The following RYR2 variants were observed in gnomAD, a reference collection of about 807,000 sequenced individuals.
RYR2 encodes ryanodine receptor 2, also known as cardiac muscle ryanodine receptor-calcium release channel.
RYR2 carries 227 observed loss-of-function variants against 601.1 expected under a neutral mutation model. That is an observed-to-expected ratio of 0.38 (90% CI 0.34 to 0.42). The LOEUF (loss-of-function observed/expected upper bound fraction) is 0.42. RYR2 is among the 10% of genes least tolerant of loss of function. The probability of loss-of-function intolerance (pLI) is 1.00; values close to 1 mark genes in which losing one functional copy is unlikely to be tolerated. For missense variants in RYR2, 4,646 were observed against 6,156.5 expected (o/e 0.75, Z 8.21); for synonymous variants, 2,223 against 2,175.1 (o/e 1.02, Z -0.61).
At chr1:237,492,543 C>T (rs553408356) in intron 18 of RYR2, among the ~76,000 whole-genome samples, 1 of 152,024 alleles carries the variant, frequency 6.6e-6, no homozygotes, top group African/African-American at 2.4e-5. Context: ...AGGGGGAATT[C>T]GAATCAGCTG....
chr1:237,048,060 C>T (rs926518967), intron 1 of RYR2, among the ~76,000 whole-genome samples: 9 of 152,192 alleles, frequency 5.9e-5, no homozygotes, highest in East Asian at 3.9e-4. Context: ...TCTTGCCTCT[C>T]GGACCCCAGA....
rs536848649 is a variant in RYR2, at chr1:237,306,881, G to A, written c.169-23997G>A. On this transcript the variant is annotated intron_variant, in intron 2 of 104. Transcript: ENST00000366574. Reference sequence around the variant, plus strand: ...TGGGCCTTCTGAGTTTCAGTTCATCGTTTCTACTGTATCCCCTCTTCCTTA... The same window carrying A: ...TGGGCCTTCTGAGTTTCAGTTCATCATTTCTACTGTATCCCCTCTTCCTTA... Among the ~76,000 whole-genome samples the A allele has an allele frequency of 7.0e-4, 107 of 152,184 alleles. No homozygotes were observed. The Middle Eastern group carries it at 0.01, about 15-fold the overall frequency.
chr1:237,128,186 C>T lies in RYR2; in HGVS notation c.48+85617C>T, dbSNP rs1005616158. Among the ~76,000 whole-genome samples, 5 of 152,190 alleles carry T rather than the reference C, an allele frequency of 3.3e-5. No individual in the cohort carries two copies. The South Asian group carries it at 6.2e-4, about 19-fold the overall frequency. ...TCACTTGCGGTTAGGGGCTGGAGAC[C>T]GGCCTGGCCAACACAGCGAAACCCT... On this transcript the variant is annotated intron_variant, in intron 1 of 104. Coordinates refer to ENST00000366574, the MANE Select transcript of RYR2 (RefSeq NM_001035.3).
Position 237,770,851 on chromosome 1 carries a change from C to A in RYR2, c.11521C>A (p.Arg3841=). Residue 3841 remains arginine (R), a synonymous_variant, in exon 85 of 105, where the codon CGA becomes AGA. Transcript: ENST00000366574. The part of the protein sequence containing the change: ...QDDEFTCDLF[R]FLQLLCEGHN... ...CGATGAGTTCACCTGTGACCTCTTC[C>A]GATTCCTGCAACTACTCTGTGAGGG... 1.3e-6 allele frequency: 2 copies of A among 1,552,738 alleles called. No individual in the cohort carries two copies. The highest frequency in any genetic ancestry group is 1.7e-6 in the Non-Finnish European group (2 of 1,146,704).
chr1:237,529,757 T>TCACACACACACACA (rs1235847282), intron 24 of RYR2, among the ~76,000 whole-genome samples: 4 of 40,226 alleles, frequency 9.9e-5, no homozygotes, highest in African/African-American at 3.1e-4. Flanking sequence ...AACAATAATA[T>TCACACACACACACA]CATACACACA....
At chr1:237,651,246 A>C (rs1304155254) in intron 50 of RYR2, among the ~76,000 whole-genome samples, 165 bp from the exon 51 acceptor site, 1 of 152,222 alleles carries the variant, frequency 6.6e-6, no homozygotes, top group East Asian at 1.9e-4. Flanking sequence ...CTTATATAAA[A>C]TAAAGTAACT....
chr1:237,801,881 C>A lies in RYR2; in HGVS notation c.14116C>A (p.Gln4706Lys). The change falls in exon 98 of 105, where the codon CAG becomes AAG. Residue 4706 changes from glutamine (Q) to lysine (K), a missense_variant. Transcript: ENST00000366574. ...AVLNSIDVKYQMWKLGVVFTD... is the reference protein window; with the variant it reads ...AVLNSIDVKYKMWKLGVVFTD... ...ACTGAACTCCATTGATGTGAAGTAT[C>A]AGATGTGGAAACTAGGAGTCGTTTT... 1 of 1,596,840 alleles carries A rather than the reference C, an allele frequency of 6.3e-7. No homozygotes were observed. Among genetic ancestry groups the A allele is most frequent in the South Asian group, 1.1e-5 (1 of 89,706 alleles).
At chr1:237,603,262 C>T (rs1432795135) in intron 35 of RYR2, among the ~76,000 whole-genome samples, 1 of 152,184 alleles carries the variant, frequency 6.6e-6, no homozygotes, top group Non-Finnish European at 1.5e-5. Context: ...AAAGAAGACC[C>T]TGTTGAGCTT....
At chr1:237,466,181 T>C (rs1357254805) in intron 16 of RYR2, among the ~76,000 whole-genome samples, 1 of 152,164 alleles carries the variant, frequency 6.6e-6, no homozygotes, top group African/African-American at 2.4e-5. Flanking sequence ...TAATTCCTTT[T>C]TTGAGATAGG....
At chr1:237,308,449 A>G (rs1226892675) in intron 2 of RYR2, among the ~76,000 whole-genome samples, 1 of 152,172 alleles carries the variant, frequency 6.6e-6, no homozygotes, top group Non-Finnish European at 1.5e-5. Context: ...TATTTCTTGC[A>G]TGAAATCTAA....
In RYR2 at chr1:237,793,888, C is replaced by A; in HGVS notation, c.13804C>A (p.Arg4602=). 1 of 1,607,588 alleles carries A rather than the reference C, an allele frequency of 6.2e-7. No individual in the cohort carries two copies. The highest frequency in any genetic ancestry group is 8.5e-7 in the Non-Finnish European group (1 of 1,175,066). The change falls in exon 95 of 105, where the codon CGA becomes AGA. Residue 4602 remains arginine (R), a synonymous_variant. Transcript: ENST00000366574. ...GTAGGTCCCATTGGTTATTTTTAAG[C>A]GAGAAAAGGAAGTGGCACGGAAATT... ...CLKVPLVIFK[R]EKEVARKLEF...
intron 27 of RYR2, among the ~76,000 whole-genome samples, chr1:237,562,315 C>A (rs1413181945): frequency 6.6e-6 from 1 of 152,146 alleles, no homozygotes; most frequent in Non-Finnish European, 1.5e-5. Flanking sequence ...AAAGTATTAT[C>A]ATTAGACCTA....
intron 1 of RYR2, among the ~76,000 whole-genome samples, chr1:237,053,329 T>A (rs918772732): frequency 6.6e-6 from 1 of 152,210 alleles, no homozygotes; most frequent in Non-Finnish European, 1.5e-5. Flanking sequence ...AAAGCTGAGA[T>A]GAAACGTTTT....
At chr1:237,768,536 G>A (rs1404462486) in intron 84 of RYR2, among the ~76,000 whole-genome samples, 1 of 152,096 alleles carries the variant, frequency 6.6e-6, no homozygotes, top group Non-Finnish European at 1.5e-5. Context: ...TATGTACCTT[G>A]AGCCCTCAAG....
chr1:237,217,251 C>T (rs1032551292), intron 1 of RYR2, among the ~76,000 whole-genome samples: 1 of 151,870 alleles, frequency 6.6e-6, no homozygotes, highest in East Asian at 1.9e-4. Context: ...TTTCCCTGCT[C>T]GATGACTCAG....
chr1:237,413,735 T>G (rs1704666489), intron 10 of RYR2, among the ~76,000 whole-genome samples: 1 of 152,112 alleles, frequency 6.6e-6, no homozygotes, highest in Non-Finnish European at 1.5e-5. Context: ...TAATTTACAC[T>G]CTTGCATCTT....
chr1:237,613,767 G>A (rs1238854771), intron 36 of RYR2, among the ~76,000 whole-genome samples: 3 of 152,112 alleles, frequency 2.0e-5, no homozygotes, highest in Middle Eastern at 3.2e-3. Flanking sequence ...CCAACATAAT[G>A]CTCAAAGGAA....
At chr1:237,804,413 C>T (rs983570430) in intron 98 of RYR2, among the ~76,000 whole-genome samples, 1 of 151,910 alleles carries the variant, frequency 6.6e-6, no homozygotes, top group Non-Finnish European at 1.5e-5. Flanking sequence ...TCAGCCCCCT[C>T]TTTTTATTCT....
intron 29 of RYR2, among the ~76,000 whole-genome samples, chr1:237,578,849 G>T (rs1333716598): frequency 2.0e-5 from 3 of 152,080 alleles, no homozygotes; most frequent in Admixed American, 2.0e-4. Context: ...ATAAGTCTGT[G>T]ACCTCTGGGA....
Sources: allele counts gnomAD v4.1 joint callset (sites outside exome capture counted in the v4.1 genomes callset), GRCh38; gene constraint gnomAD v4.1.1; transcripts MANE v1.5; gene names NCBI Gene and HGNC (gene_info 2026-07-23, HGNC 2026-07-21).